Variants in MORC2 observed in about 807,000 individuals in gnomAD.
The protein encoded by MORC2 is ATPase MORC2.
Under a neutral mutation model 136.0 loss-of-function variants are expected in MORC2, and 30 were observed. That is an observed-to-expected ratio of 0.22 (90% CI 0.17 to 0.30). The LOEUF (loss-of-function observed/expected upper bound fraction) is 0.30. MORC2 is among the 10% of genes least tolerant of loss of function. The probability of loss-of-function intolerance (pLI) is 1.00; values close to 1 mark genes in which losing one functional copy is unlikely to be tolerated. For missense variants in MORC2, 922 were observed against 1,333.1 expected (o/e 0.69, Z 4.80); for synonymous variants, 439 against 487.0 (o/e 0.90, Z 1.30).
intron 24 of MORC2, among the ~76,000 whole-genome samples, chr22:30,930,854 G>C (rs1480828630): frequency 2.0e-5 from 3 of 152,142 alleles, no homozygotes; most frequent in African/African-American, 7.2e-5. Flanking sequence ...GCCAGTCCTT[G>C]ATCTCCACGT....
intron 1 of MORC2, chr22:30,963,274 C>A: frequency 1.0e-6 from 1 of 979,234 alleles, no homozygotes; most frequent in African/African-American, 1.8e-5. Flanking sequence ...CAGCACCCGG[C>A]CTAGAAATTC....
rs60514280 is a variant in MORC2, at chr22:30,926,550, CAAAAAAAAAAAAAAAAAAAAA to C, written c.*232_*252del. On this transcript the variant is annotated 3_prime_UTR_variant, in exon 26 of 26. Coordinates refer to ENST00000397641, the MANE Select transcript of MORC2 (RefSeq NM_001303256.3). Reference sequence around the variant, plus strand: ...AAGGTTCTCTGTCCTTTGCAGTCACCAAAAAAAAAAAAAAAAAAAAAAAAAAAAAAAAAAAAGTATGGTCTC... The same window carrying C: ...AAGGTTCTCTGTCCTTTGCAGTCACCAAAAAAAAAAAAAAAGTATGGTCTC... 0.023 allele frequency: 599 copies of C among 25,804 alleles called. 23 individuals are homozygous for C. Among genetic ancestry groups the C allele is most frequent in the Middle Eastern group, 0.097 (7 of 72 alleles). The allele number at this position is 25,804 out of a possible 1,614,324, so 1.6% of individuals were successfully genotyped here.
chr22:30,933,477 C>T lies in MORC2; in HGVS notation c.2369G>A (p.Arg790Lys). Reference protein sequence around the residue: ...AGEEDSADLKRAQKDKGLHVE... With the variant: ...AGEEDSADLKKAQKDKGLHVE... Reference sequence around the variant, plus strand: ...CTCCCCCAGCTCACCTTTCTGAGCTCTCTTGAGGTCAGCCGAGTCCTCTTC... The same window carrying T: ...CTCCCCCAGCTCACCTTTCTGAGCTTTCTTGAGGTCAGCCGAGTCCTCTTC... The change falls in exon 21 of 26, where the codon AGA (arginine) becomes AAA (lysine). Residue 790 changes from arginine to lysine, a missense_variant. Arg to Lys is a conservative substitution (Grantham distance 26, BLOSUM62 2). Around this residue, in one of 9 missense-constraint regions of MORC2, gnomAD observed 263 missense variants for 388.3 expected, o/e 0.68. Coordinates refer to ENST00000397641, the MANE Select transcript of MORC2 (RefSeq NM_001303256.3). The T allele has an allele frequency of 6.2e-7, 1 of 1,613,986 alleles. No individual in the cohort carries two copies. Among genetic ancestry groups the T allele is most frequent in the Non-Finnish European group, 8.5e-7 (1 of 1,179,972 alleles).
chr22:30,934,735 C>T lies in MORC2; in HGVS notation c.2193+46G>A. 1.3e-6 allele frequency: 2 copies of T among 1,597,408 alleles called. No homozygotes were observed. The highest frequency in any genetic ancestry group is 1.7e-6 in the Non-Finnish European group (2 of 1,169,632). ...GTGACACTGCACAATTCCATTCCTA[C>T]ACTACTGACACTGGGCTGGGGTATT... On this transcript the variant is annotated intron_variant, in intron 19 of 25. Transcript: ENST00000397641. This position sits in a 1 kb window ranked among gnomAD's most constrained non-coding sequence, Gnocchi z 4.4.
chr22:30,941,700 G>T lies in MORC2; in HGVS notation c.699-142C>A. On this transcript the variant is annotated intron_variant, in intron 8 of 25. Coordinates refer to ENST00000397641, the MANE Select transcript of MORC2 (RefSeq NM_001303256.3). The surrounding 1 kb of genome is among the most constrained non-coding windows in gnomAD (Gnocchi z 4.6). ...GCTGCCCTGAACTGGTGCTCCCTTA[G>T]TGTGAGCACCACATCCCGCCCCTCT... 7.8e-7 allele frequency: 1 copy of T among 1,283,894 alleles called. No individual in the cohort carries two copies. Among genetic ancestry groups the T allele is most frequent in the Non-Finnish European group, 1.1e-6 (1 of 935,396 alleles). 79.5% of individuals were successfully genotyped at this position (1,283,894 alleles called of 1,614,324 possible).
chr22:30,934,726 C>T lies in MORC2; in HGVS notation c.2193+55G>A. ...AGTACAGCTGTGACACTGCACAATT[C>T]CATTCCTACACTACTGACACTGGGC... On this transcript the variant is annotated intron_variant, in intron 19 of 25. Transcript: ENST00000397641. The surrounding 1 kb of genome is among the most constrained non-coding windows in gnomAD (Gnocchi z 4.4). The T allele has an allele frequency of 1.9e-6, 3 of 1,587,130 alleles. No individual in the cohort carries two copies. Among genetic ancestry groups the T allele is most frequent in the Non-Finnish European group, 2.6e-6 (3 of 1,163,360 alleles).
Position 30,946,348 on chromosome 22 carries a change from A to G in MORC2, c.419T>C (p.Ile140Thr). 1 of 1,607,600 alleles carries G rather than the reference A, an allele frequency of 6.2e-7. No homozygotes were observed. Among genetic ancestry groups the G allele is most frequent in the Non-Finnish European group, 8.5e-7 (1 of 1,176,468 alleles). Residue 140 changes from isoleucine to threonine, a missense_variant, in exon 6 of 26, where the codon ATT becomes ACT. This residue lies in a region of MORC2 where 261 missense variants were observed against 354.3 expected (regional missense o/e 0.74). Transcript: ENST00000397641. Reference sequence around the variant, plus strand: ...CACGATGATGGGACCTACTTCATCAATGCCTTCTTCCTCATGAAACGTGCG... The same window carrying G: ...CACGATGATGGGACCTACTTCATCAGTGCCTTCTTCCTCATGAAACGTGCG... ...LSRTFHEEEG[I>T]DEVIVPLPTW...
At position 30,934,816 on chromosome 22, in the gene MORC2, C is replaced by T; in HGVS notation, c.2158G>A (p.Val720Met). Residue 720 changes from valine to methionine, a missense_variant, in exon 19 of 26, where the codon GTG becomes ATG. Physicochemically the swap from Val to Met is conservative, Grantham distance 21 (BLOSUM62 1). Around this residue, in one of 9 missense-constraint regions of MORC2, gnomAD observed 184 missense variants for 180.3 expected, o/e 1.02. Coordinates refer to ENST00000397641, the MANE Select transcript of MORC2 (RefSeq NM_001303256.3). This position sits in a 1 kb window ranked among gnomAD's most constrained non-coding sequence, Gnocchi z 4.4. ...PSPKVIKTPVVKKTESPIKLS... is the reference protein window; with the variant it reads ...PSPKVIKTPVMKKTESPIKLS... The stretch of plus-strand genomic sequence containing the variant: ...TTGATGGGTGACTCTGTCTTCTTCA[C>T]CACTGGAGTCTTGATGACTTTGGGA... The T allele has an allele frequency of 6.2e-7, 1 of 1,614,172 alleles. No individual in the cohort carries two copies. Among genetic ancestry groups the T allele is most frequent in the Non-Finnish European group, 8.5e-7 (1 of 1,180,044 alleles).
intron 6 of MORC2, among the ~76,000 whole-genome samples, chr22:30,942,546 T>C (rs2040756065): frequency 6.6e-6 from 1 of 152,180 alleles, no homozygotes; most frequent in Non-Finnish European, 1.5e-5. Flanking sequence ...CCCTGGTCAT[T>C]TTCTTAATTT....
Position 30,942,277 on chromosome 22 carries a change from G to T in MORC2, c.427-6C>A. On this transcript the variant is annotated splice_polypyrimidine_tract_variant and splice_region_variant and intron_variant, in intron 6 of 25. Coordinates refer to ENST00000397641, the MANE Select transcript of MORC2 (RefSeq NM_001303256.3). Reference sequence around the variant, plus strand: ...GTGGGCAGTGGGACTATCACCTGTGGAGTAAACATGAGCAGGCACTTTAAG... The same window carrying T: ...GTGGGCAGTGGGACTATCACCTGTGTAGTAAACATGAGCAGGCACTTTAAG... 1.2e-6 allele frequency: 2 copies of T among 1,604,390 alleles called. No homozygotes were observed. Among genetic ancestry groups the T allele is most frequent in the Non-Finnish European group, 1.7e-6 (2 of 1,177,314 alleles).
chr22:30,932,530 A>C lies in MORC2; in HGVS notation c.2747+15T>G, dbSNP rs2147240697. On this transcript the variant is annotated intron_variant, in intron 23 of 25. Transcript: ENST00000397641. The surrounding 1 kb of genome is among the most constrained non-coding windows in gnomAD (Gnocchi z 4.4). ...GCTGCTGGCCCTGGGGTGGGAAGAC[A>C]AAAGACACATGTACCGGAGGATCTG... 1 of 1,613,840 alleles carries C rather than the reference A, an allele frequency of 6.2e-7. No homozygotes were observed. Among genetic ancestry groups the C allele is most frequent in the South Asian group, 1.1e-5 (1 of 91,074 alleles).
chr22:30,941,671 T>G lies in MORC2; in HGVS notation c.699-113A>C. 4.2e-6 allele frequency: 6 copies of G among 1,432,102 alleles called. No individual in the cohort carries two copies. Among genetic ancestry groups the G allele is most frequent in the Non-Finnish European group, 5.7e-6 (6 of 1,060,328 alleles). The allele number at this position is 1,432,102 out of a possible 1,614,324, so 88.7% of individuals were successfully genotyped here. ...CCTTTCCATGTTAGGTACTGACTTC[T>G]GCTGCTGCCCTGAACTGGTGCTCCC... On this transcript the variant is annotated intron_variant, in intron 8 of 25. Transcript: ENST00000397641. This position sits in a 1 kb window ranked among gnomAD's most constrained non-coding sequence, Gnocchi z 4.6.
At position 30,942,238 on chromosome 22, in the gene MORC2, T is replaced by C; in HGVS notation, c.460A>G (p.Thr154Ala). 1 of 1,613,320 alleles carries C rather than the reference T, an allele frequency of 6.2e-7. No homozygotes were observed. Among genetic ancestry groups the C allele is most frequent in the Admixed American group, 1.7e-5 (1 of 60,022 alleles). Residue 154 changes from threonine to alanine, a missense_variant, in exon 7 of 26, where the codon ACC becomes GCC. Physicochemically the swap from Thr to Ala is moderately conservative, Grantham distance 58 (BLOSUM62 0). Transcript: ENST00000397641. ...IVPLPTWNAR[T>A]REPVTDNVEK... is the part of the protein sequence containing the mutation. ...ACATTGTCTGTGACAGGTTCCCGGGTCCGAGCATTCCAGGTGGGCAGTGGG... is the reference window on the plus strand; with the variant it reads ...ACATTGTCTGTGACAGGTTCCCGGGCCCGAGCATTCCAGGTGGGCAGTGGG...
Position 30,941,762 on chromosome 22 carries a change from C to G in MORC2, c.698+129G>C. 1 of 1,116,818 alleles carries G rather than the reference C, an allele frequency of 9.0e-7. No homozygotes were observed. Among genetic ancestry groups the G allele is most frequent in the South Asian group, 1.4e-5 (1 of 70,742 alleles). The allele number at this position is 1,116,818 out of a possible 1,614,324, so 69.2% of individuals were successfully genotyped here. A position where few individuals can be genotyped will look rare whatever the true frequency, so the allele number is the denominator to read the frequency against. ...CACAGGCACCCCACAGGCAACTGAG[C>G]TGGCCCTACATACTACCCTACCACA... On this transcript the variant is annotated intron_variant, in intron 8 of 25. Transcript: ENST00000397641. This position sits in a 1 kb window ranked among gnomAD's most constrained non-coding sequence, Gnocchi z 4.6.
chr22:30,928,466 C>T (rs2040523562), intron 24 of MORC2, among the ~76,000 whole-genome samples: 1 of 152,182 alleles, frequency 6.6e-6, no homozygotes, highest in Non-Finnish European at 1.5e-5. Flanking sequence ...AGACAGCAGG[C>T]CGTGAGGACG....
At chr22:30,931,651 C>T (rs1202070271) in intron 24 of MORC2, among the ~76,000 whole-genome samples, 1 of 152,246 alleles carries the variant, frequency 6.6e-6, no homozygotes, top group Non-Finnish European at 1.5e-5. Flanking sequence ...TTCACTTACA[C>T]AGGCAGGCAC....
rs751813402 is a variant in MORC2, at chr22:30,942,113, G to A, written c.585C>T (p.Ser195=). 9 of 1,613,054 alleles carry A rather than the reference G, an allele frequency of 5.6e-6. No individual in the cohort carries two copies. The highest frequency in any genetic ancestry group is 1.7e-4 in the Middle Eastern group (1 of 6,058). The change falls in exon 7 of 26, where the codon AGC becomes AGT. Residue 195 remains serine (S), a splice_region_variant and synonymous_variant. Coordinates refer to ENST00000397641, the MANE Select transcript of MORC2 (RefSeq NM_001303256.3). The stretch of plus-strand genomic sequence containing the variant: ...GCTACAGGCTCAAAGCCTACTTACC[G>A]CTGTCCCCAGGAATCTTCATAAACT... The part of the protein sequence containing the change: ...MTQFMKIPGD[S]GTLVIIFNLK...
At chr22:30,944,074 A>G (rs1367784175) in intron 6 of MORC2, among the ~76,000 whole-genome samples, 1 of 152,200 alleles carries the variant, frequency 6.6e-6, no homozygotes, top group Non-Finnish European at 1.5e-5. Context: ...GCTGGTTTCT[A>G]AGAAGCTTTG....
rs960417273 is a variant in MORC2 at position 30,963,805 on chromosome 22, A to G, written c.68+4017T>C. On this transcript the variant is annotated intron_variant, in intron 1 of 25. Transcript: ENST00000397641. Reference sequence around the variant, plus strand: ...TAAGGAAAATGGTCTCCCTATTTACATTCATCCTGAATGTAAACCAATAGA... The same window carrying G: ...TAAGGAAAATGGTCTCCCTATTTACGTTCATCCTGAATGTAAACCAATAGA... Among the ~76,000 whole-genome samples the G allele has an allele frequency of 3.9e-5, 6 of 152,328 alleles. No individual in the cohort carries two copies. In the South Asian group the frequency reaches 1.0e-3, roughly 26 times the overall value.
Sources: gnomAD v4.1 joint callset for allele counts (sites outside exome capture counted in the v4.1 genomes callset) on GRCh38, gnomAD v4.1.1 for gene constraint, gnomAD v4.1.1 regional missense constraint, Gnocchi (gnomAD v3.1) non-coding constraint, MANE v1.5 for transcripts, NCBI Gene and HGNC (gene_info 2026-07-23, HGNC 2026-07-21) for gene names.